The following HELLS variants were observed in gnomAD, a reference collection of about 807,000 sequenced individuals.
HELLS encodes lymphoid-specific helicase.
In HELLS, 32 loss-of-function variants were observed where a neutral mutation model predicts 120.0. The observed-to-expected ratio is 0.27, with a 90% CI of 0.20 to 0.36. The LOEUF (loss-of-function observed/expected upper bound fraction) is 0.36, where lower values mean the gene tolerates loss of function less well. Ranked by LOEUF, HELLS falls within the 10% of genes least tolerant of loss-of-function variation. HELLS has a pLI of 1.00. For synonymous variants in HELLS, 341 were observed against 323.4 expected (o/e 1.05, Z -0.58); for missense variants, 650 against 993.4 (o/e 0.65, Z 4.65).
chr10:94,577,945 C>G (rs1348118772), intron 10 of HELLS, among the ~76,000 whole-genome samples: 1 of 152,042 alleles, frequency 6.6e-6, no homozygotes, highest in Non-Finnish European at 1.5e-5. Flanking sequence ...CGCCTGTAGT[C>G]CCAGCTACTC....
intron 4 of HELLS, 44 bp from the exon 5 acceptor site, chr10:94,562,647 G>A (rs10882477): frequency 0.46 from 620,888 of 1,344,194 alleles, 148,262 homozygotes; most frequent in East Asian, 0.77. Context: ...ATAATACTAT[G>A]AAGGTCCTTA....
intron 12 of HELLS, among the ~76,000 whole-genome samples, chr10:94,585,386 T>G (rs977400885): frequency 7.2e-5 from 3 of 41,758 alleles, no homozygotes; most frequent in African/African-American, 2.0e-4. Flanking sequence ...TTTGTTTTTG[T>G]TTTTTTTTTT....
At chr10:94,561,638 G>A (rs981837954) in intron 4 of HELLS, among the ~76,000 whole-genome samples, 5 of 151,788 alleles carry the variant, frequency 3.3e-5, no homozygotes, top group Admixed American at 6.6e-5. Flanking sequence ...GCTAATTTTC[G>A]CATTTTTTAT....
At chr10:94,593,771 T>C (rs1845610500) in intron 18 of HELLS, among the ~76,000 whole-genome samples, 156 bp downstream of exon 18, 6 of 151,900 alleles carry the variant, frequency 3.9e-5, no homozygotes, top group Admixed American at 3.9e-4. Context: ...CAAGTGATTC[T>C]CTTGCCTCAG....
chr10:94,554,270 C>T (rs751709277), intron 3 of HELLS, 22 bp downstream of exon 3: 1 of 1,478,534 alleles, frequency 6.8e-7, no homozygotes, highest in Non-Finnish European at 9.0e-7. Context: ...TAACTGACTA[C>T]AAGTGAAAGC....
At chr10:94,608,100 G>C (rs1846147590) in intron 9 of HELLS, 2 of 159,096 alleles carry the variant, frequency 1.3e-5, no homozygotes, top group African/African-American at 4.8e-5. Context: ...ATAGTTTTAA[G>C]TTCCGTAGTC....
intron 21 of HELLS, 34 bp downstream of exon 21, chr10:94,597,145 G>C: frequency 8.4e-7 from 1 of 1,195,988 alleles, no homozygotes; most frequent in Middle Eastern, 1.9e-4. Flanking sequence ...TGGAAGCTTC[G>C]AAACATACAC....
chr10:94,573,355 A>AT (rs1398430124), intron 7 of HELLS, among the ~76,000 whole-genome samples: 1 of 152,246 alleles, frequency 6.6e-6, no homozygotes, highest in East Asian at 1.9e-4. Context: ...ATTATTGAGT[A>AT]TCACAATATT....
At chr10:94,613,614 ACTT>A (rs941628182) in exon 10 of HELLS, 1 of 151,912 alleles carries the variant, frequency 6.6e-6, no homozygotes, top group Non-Finnish European at 1.5e-5. Flanking sequence ...GTGTTTTTTA[ACTT>A]CTTTCATGAT....
chr10:94,565,703 C>T (rs1044907977), intron 6 of HELLS, among the ~76,000 whole-genome samples: 2 of 152,006 alleles, frequency 1.3e-5, no homozygotes, highest in Admixed American at 1.3e-4. Context: ...AAAAGAAAAA[C>T]CACTTTTAAT....
chr10:94,575,773 G>C (rs576636013), intron 9 of HELLS, among the ~76,000 whole-genome samples: 145 of 13,894 alleles, frequency 0.01, 2 homozygotes, highest in Middle Eastern at 0.05. Context: ...GGTTGTGTTT[G>C]TGTGTGTGTG....
At chr10:94,576,948 A>G (rs1238088653) in intron 10 of HELLS, 143 bp downstream of exon 10, 1 of 676,622 alleles carries the variant, frequency 1.5e-6, no homozygotes, top group East Asian at 2.8e-5. Flanking sequence ...ATACCTGTAG[A>G]AGCTGGAAAC....
chr10:94,595,261 G>C (rs896234669), intron 19 of HELLS, among the ~76,000 whole-genome samples: 3 of 151,940 alleles, frequency 2.0e-5, no homozygotes, highest in Non-Finnish European at 4.4e-5. Flanking sequence ...GATATGACAG[G>C]ATTTAAATAA....
intron 3 of HELLS, among the ~76,000 whole-genome samples, chr10:94,556,689 G>T (rs1843282289): frequency 6.6e-6 from 1 of 152,114 alleles, no homozygotes; most frequent in Non-Finnish European, 1.5e-5. Flanking sequence ...TTTTCTGTTG[G>T]TGATGGGTTC....
intron 12 of HELLS, among the ~76,000 whole-genome samples, chr10:94,585,410 T>G (rs924511222): frequency 6.7e-6 from 1 of 148,950 alleles, no homozygotes; most frequent in African/African-American, 2.5e-5. Context: ...TTTTTGGTTT[T>G]TTTTTTTTGA....
chr10:94,558,266 T>C, intron 4 of HELLS, 71 bp downstream of exon 4: 2 of 1,470,224 alleles, frequency 1.4e-6, no homozygotes, highest in Non-Finnish European at 1.8e-6. Flanking sequence ...TTCTTCTGAC[T>C]TTTTTGATCA....
At chr10:94,566,818 C>T (rs1308045438) in intron 6 of HELLS, among the ~76,000 whole-genome samples, 1 of 151,870 alleles carries the variant, frequency 6.6e-6, no homozygotes, top group Non-Finnish European at 1.5e-5. Flanking sequence ...CCACGCCTGG[C>T]TGTTTTTGTA....
chr10:94,593,971 A>ATTTT (rs904284453), intron 18 of HELLS, among the ~76,000 whole-genome samples: 115 of 122,298 alleles, frequency 9.4e-4, no homozygotes, highest in African/African-American at 3.1e-3. Context: ...TCCATTCTGA[A>ATTTT]TTTTTTTTTT....
At position 94,594,847 on chromosome 10, in the gene HELLS, C is replaced by T. The variant is rs765203346; in HGVS notation, c.2241C>T (p.Ile747=). Residue 747 remains isoleucine (I), a synonymous_variant, in exon 19 of 22, where the codon ATC becomes ATT. Transcript: ENST00000348459. ...AAAGGAAACTGGAAAAGTTGATCAT[C>T]CATAAAAGTAAATAACACTTATGTA... ...AAKRKLEKLI[I]HKNHFKGGQS... is the part of the protein sequence containing the mutation. 1 of 1,608,170 alleles carries T rather than the reference C, an allele frequency of 6.2e-7. No homozygotes were observed. The highest frequency in any genetic ancestry group is 8.5e-7 in the Non-Finnish European group (1 of 1,175,430).
Sources: allele counts gnomAD v4.1 joint callset (sites outside exome capture counted in the v4.1 genomes callset), GRCh38; gene constraint gnomAD v4.1.1; transcripts MANE v1.5; gene names NCBI Gene and HGNC (gene_info 2026-07-23, HGNC 2026-07-21).